The following RANBP2 variants were observed in gnomAD, a reference collection of about 807,000 sequenced individuals.
RANBP2 encodes E3 SUMO-protein ligase RanBP2.
In RANBP2, 57 loss-of-function variants were observed where a neutral mutation model predicts 303.6. The observed-to-expected ratio is 0.19, with a 90% confidence interval of 0.15 to 0.23. The LOEUF (loss-of-function observed/expected upper bound fraction) is 0.23, where lower values mean the gene tolerates loss of function less well. Among genes scored for constraint, RANBP2 ranks in the 10% least tolerant of loss-of-function variants. The pLI, the probability that RANBP2 is intolerant of heterozygous loss-of-function variation, is 1.00. For missense variants in RANBP2, 3,138 were observed against 3,780.8 expected (o/e 0.83, Z 4.46); for synonymous variants, 1,167 against 1,301.5 (o/e 0.90, Z 2.23).
At chr2:109,466,124 G>A in the RANBP2 span, among the ~76,000 whole-genome samples, 7 of 125,118 alleles carry the variant, frequency 5.6e-5, 1 homozygote, top group Non-Finnish European at 9.4e-5. Context: ...CCGTCGCCCA[G>A]GCTGGAGTGC....
At chr2:109,146,893 C>A in the RANBP2 span, among the ~76,000 whole-genome samples, 3 of 96,864 alleles carry the variant, frequency 3.1e-5, no homozygotes, top group Admixed American at 2.3e-4. Flanking sequence ...CCTCCCCCCC[C>A]CCCCCCCCGC....
chr2:109,162,411 A>T, the RANBP2 span, among the ~76,000 whole-genome samples: 2 of 152,012 alleles, frequency 1.3e-5, no homozygotes, highest in Admixed American at 6.5e-5. Flanking sequence ...TTATTTATTT[A>T]TTTTTAATTT....
chr2:109,533,989 C>T, the RANBP2 span, among the ~76,000 whole-genome samples: 1 of 152,190 alleles, frequency 6.6e-6, no homozygotes, highest in Non-Finnish European at 1.5e-5. Context: ...CGGGAGGAGC[C>T]CAGGGCAGCG....
chr2:108,768,419 A>G (rs1336187748), intron 20 of RANBP2, 31 bp downstream of exon 20: 7 of 1,608,964 alleles, frequency 4.4e-6, no homozygotes, highest in African/African-American at 1.3e-5. Context: ...GTTAAGCACA[A>G]TTTTTCTTTC....
rs552993785 is a variant in RANBP2, at chr2:108,765,579, C to T, written c.5040C>T (p.Ala1680=). 2.4e-5 allele frequency: 36 copies of T among 1,487,608 alleles called. No individual in the cohort carries two copies. The African/African-American group carries it at 7.1e-4, about 29-fold the overall frequency. 92.2% of individuals were successfully genotyped at this position (1,487,608 alleles called of 1,614,324 possible). A position where few individuals can be genotyped will look rare whatever the true frequency, so the allele number is the denominator to read the frequency against. ...DCSVCLVRNE[A]SATKCIACQN... ...GTGTGTGCTTAGTAAGAAATGAAGC[C>T]AGTGCTACCAAATGTATTGCTTGTC... Residue 1680 remains alanine, a synonymous_variant, in exon 20 of 29, where the codon GCC becomes GCT. Coordinates refer to ENST00000283195, the MANE Select transcript of RANBP2 (RefSeq NM_006267.5).
chr2:109,360,750 A>G, the RANBP2 span, among the ~76,000 whole-genome samples: 28 of 152,352 alleles, frequency 1.8e-4, no homozygotes, highest in African/African-American at 5.8e-4. Context: ...ATAGATGATC[A>G]TGTCATCTGT....
At chr2:108,936,416 C>T in the RANBP2 span, among the ~76,000 whole-genome samples, 1 of 152,208 alleles carries the variant, frequency 6.6e-6, no homozygotes, top group Non-Finnish European at 1.5e-5. Context: ...ACAAGCTCTT[C>T]CATGGCGGGA....
the RANBP2 span, chr2:108,930,200 C>T: frequency 2.1e-4 from 340 of 1,613,978 alleles, no homozygotes; most frequent in Middle Eastern, 3.3e-4. Flanking sequence ...TCGTTCTCAC[C>T]GCAGTTTGAG....
chr2:109,587,882 C>T, the RANBP2 span, among the ~76,000 whole-genome samples: 1 of 150,948 alleles, frequency 6.6e-6, no homozygotes, highest in Non-Finnish European at 1.5e-5. Context: ...CACTGCACTC[C>T]AGCCTGGGTG....
At chr2:109,611,517 G>A in the RANBP2 span, among the ~76,000 whole-genome samples, 3 of 152,186 alleles carry the variant, frequency 2.0e-5, no homozygotes, top group East Asian at 3.9e-4. Context: ...CAACATGTTG[G>A]GAGGCTGAGA....
chr2:109,360,882 C>G, the RANBP2 span, among the ~76,000 whole-genome samples: 2 of 152,164 alleles, frequency 1.3e-5, no homozygotes, highest in Non-Finnish European at 2.9e-5. Context: ...AGAGTACATT[C>G]TTGCCTTGTC....
chr2:109,236,441 C>T, the RANBP2 span, among the ~76,000 whole-genome samples: 1 of 152,160 alleles, frequency 6.6e-6, no homozygotes, highest in South Asian at 2.1e-4. Flanking sequence ...CAAACTTCAC[C>T]TTGAGCACAC....
the RANBP2 span, among the ~76,000 whole-genome samples, chr2:109,559,475 C>G: frequency 1.3e-5 from 2 of 151,932 alleles, no homozygotes; most frequent in African/African-American, 4.9e-5. Flanking sequence ...GCTGAAGAAT[C>G]TCCCTTTCTA....
the RANBP2 span, among the ~76,000 whole-genome samples, chr2:108,957,724 G>A: frequency 6.6e-6 from 1 of 152,240 alleles, no homozygotes; most frequent in East Asian, 1.9e-4. Context: ...GCTAGTGGAG[G>A]TGAGAAGCCT....
At chr2:108,876,238 C>CT in the RANBP2 span, 6 of 1,609,414 alleles carry the variant, frequency 3.7e-6, no homozygotes, top group South Asian at 6.6e-5. Flanking sequence ...CCCTGGTCTC[C>CT]AGTGCAAGCC....
At chr2:109,501,834 C>A in the RANBP2 span, 3 of 588,620 alleles carry the variant, frequency 5.1e-6, no homozygotes, top group African/African-American at 5.6e-5. Context: ...CTGTGGAGGT[C>A]GTGCCTTCTC....
At chr2:109,174,028 A>G in the RANBP2 span, among the ~76,000 whole-genome samples, 2 of 152,158 alleles carry the variant, frequency 1.3e-5, no homozygotes, top group Admixed American at 1.3e-4. Flanking sequence ...TGATTCAGAG[A>G]ACACACAGCA....
the RANBP2 span, among the ~76,000 whole-genome samples, chr2:109,520,620 A>G: frequency 0.16 from 14,681 of 92,674 alleles, 2,347 homozygotes; most frequent in East Asian, 0.3. Flanking sequence ...AAAAAAAAAA[A>G]AAAAGAAAAA....
At chr2:109,494,930 G>C in the RANBP2 span, among the ~76,000 whole-genome samples, 36 of 152,212 alleles carry the variant, frequency 2.4e-4, no homozygotes, top group African/African-American at 8.4e-4. Context: ...GCTCCTCTGA[G>C]AAAGGACTAG....
Sources: allele counts gnomAD v4.1 joint callset (sites outside exome capture counted in the v4.1 genomes callset), GRCh38; gene constraint gnomAD v4.1.1; transcripts MANE v1.5; gene names NCBI Gene and HGNC (gene_info 2026-07-23, HGNC 2026-07-21).